Variants in EXPH5 observed in about 807,000 individuals in gnomAD.
EXPH5 encodes the protein exophilin 5, also known as exophilin-5.
EXPH5 carries 42 observed loss-of-function variants against 41.1 expected under a neutral mutation model. The observed-to-expected ratio is 1.02, with a 90% CI of 0.80 to 1.32. The LOEUF is 1.32. EXPH5 is among the 40% of genes most tolerant of loss of function. The pLI is 0.00. For synonymous variants in EXPH5, 798 were observed against 833.5 expected (o/e 0.96, Z 0.73); for missense variants, 2,298 against 2,314.5 (o/e 0.99, Z 0.15).
At chr11:108,559,526 T>C (rs2094003266) in intron 1 of EXPH5, among the ~76,000 whole-genome samples, 1 of 152,184 alleles carries the variant, frequency 6.6e-6, no homozygotes, top group East Asian at 1.9e-4. Context: ...AATTTGTTAA[T>C]TATATTGTTC....
At chr11:108,552,761 C>A (rs112644170) in intron 1 of EXPH5, among the ~76,000 whole-genome samples, 1 of 152,106 alleles carries the variant, frequency 6.6e-6, no homozygotes, top group Non-Finnish European at 1.5e-5. Flanking sequence ...AAACCCCAAA[C>A]AAACAAAACT....
At chr11:108,588,068 TATG>T (rs1286250593) in intron 1 of EXPH5, among the ~76,000 whole-genome samples, 1 of 152,316 alleles carries the variant, frequency 6.6e-6, no homozygotes, top group East Asian at 1.9e-4. Flanking sequence ...TTTAATAACA[TATG>T]ATAACTAAAA....
chr11:108,513,347 TGTCTG>T lies in EXPH5; in HGVS notation c.2155_2159del (p.Gln719LysfsTer5). The T allele has an allele frequency of 6.2e-7, 1 of 1,614,054 alleles. No homozygotes were observed. Among genetic ancestry groups the T allele is most frequent in the Non-Finnish European group, 8.5e-7 (1 of 1,179,960 alleles). On this transcript the variant is annotated frameshift_variant, in exon 6 of 6. Transcript: ENST00000265843. LOFTEE classifies it low-confidence loss of function (END_TRUNC). ...GTTGGGGTATTTCACCTGCCTTGTT[TGTCTG>T]GTCCATCTTGCTTAGCTGTTTGTCT...
upstream of EXPH5, chr11:108,593,836 C>T (rs1289971853): frequency 1.7e-6 from 2 of 1,206,552 alleles, no homozygotes; most frequent in Admixed American, 2.2e-5. Flanking sequence ...TCCCCTCCCT[C>T]GTCCCCTCCC....
intron 1 of EXPH5, 79 bp downstream of exon 1, chr11:108,593,339 G>A (rs2094132927): frequency 2.5e-5 from 33 of 1,309,104 alleles, no homozygotes; most frequent in South Asian, 8.8e-5. Context: ...TGCCCCGCGC[G>A]AGCTCAGCGC....
At chr11:108,565,604 T>C (rs2094031198) in intron 1 of EXPH5, among the ~76,000 whole-genome samples, 1 of 152,184 alleles carries the variant, frequency 6.6e-6, no homozygotes, top group South Asian at 2.1e-4. Flanking sequence ...GCCCTGGGAA[T>C]TGGCATGGTA....
the EXPH5 span, among the ~76,000 whole-genome samples, chr11:108,599,144 G>T: frequency 3.9e-5 from 6 of 152,188 alleles, no homozygotes; most frequent in Admixed American, 3.3e-4. Context: ...ATTTCCAGAT[G>T]TTACCTCTTC....
chr11:108,570,929 G>C (rs1393363063), intron 1 of EXPH5, among the ~76,000 whole-genome samples: 1 of 152,220 alleles, frequency 6.6e-6, no homozygotes, highest in Non-Finnish European at 1.5e-5. Flanking sequence ...GTGGGTTTTA[G>C]ACACGTGCAA....
intron 1 of EXPH5, among the ~76,000 whole-genome samples, chr11:108,585,762 ATGTTCACACAAAAGCC>A (rs1480360947): frequency 6.6e-6 from 1 of 152,210 alleles, no homozygotes; most frequent in Non-Finnish European, 1.5e-5. Flanking sequence ...AATAAAAATC[ATGTTCACACAAAAGCC>A]TGCTCATGGA....
In EXPH5 at chr11:108,513,700, T is replaced by C. The variant is rs2093700675; in HGVS notation, c.1807A>G (p.Ser603Gly). 6 of 1,612,992 alleles carry C rather than the reference T, an allele frequency of 3.7e-6. No homozygotes were observed. The African/African-American group carries it at 8.0e-5, about 22-fold the overall frequency. The change falls in exon 6 of 6, where the codon AGT (serine) becomes GGT (glycine). Residue 603 changes from serine (S) to glycine (G), a missense_variant. Coordinates refer to ENST00000265843, the MANE Select transcript of EXPH5 (RefSeq NM_015065.3). ...KSSELVSQQD[S>G]SPVEVHINKE... ...TTTATATGTACTTCTACAGGAGAAC[T>C]GTCCTGTTGACTTACCAACTCACTA...
At chr11:108,571,251 A>G in intron 1 of EXPH5, among the ~76,000 whole-genome samples, 1 of 152,212 alleles carries the variant, frequency 6.6e-6, no homozygotes, top group African/African-American at 2.4e-5. Flanking sequence ...CCGTGGATAG[A>G]CATGACCTAA....
chr11:108,551,603 G>A (rs2093965472), intron 1 of EXPH5, among the ~76,000 whole-genome samples: 1 of 151,862 alleles, frequency 6.6e-6, no homozygotes, highest in South Asian at 2.1e-4. Flanking sequence ...GATCTTCGCG[G>A]ACCTGACCGT....
At position 108,573,206 on chromosome 11, in the gene EXPH5, G is replaced by GAA. The variant is rs2094068837; in HGVS notation, c.119+20210_119+20211dup. Among the ~76,000 whole-genome samples the GAA allele has an allele frequency of 2.0e-5, 3 of 147,222 alleles. No individual in the cohort carries two copies. In the East Asian group the frequency reaches 6.0e-4, roughly 30 times the overall value. ...AAAGAAAGAAAGAAAGAAAAAGAAA[G>GAA]AAAGAAAGAAAGAAAGGGAAAGCAA... On this transcript the variant is annotated intron_variant, in intron 1 of 5. Transcript: ENST00000265843.
chr11:108,509,984 G>T lies in EXPH5; in HGVS notation c.5523C>A (p.Val1841=). ...SRLTLGNEFS[V]NNGYSRRFRS... ...TGAATCTTCGACTGTACCCATTGTT[G>T]ACAGAGAATTCATTCCCAAGGGTCA... The change falls in exon 6 of 6, where the codon GTC becomes GTA. Residue 1841 remains valine, a synonymous_variant. Transcript: ENST00000265843. The T allele has an allele frequency of 6.2e-7, 1 of 1,613,858 alleles. No individual in the cohort carries two copies. The highest frequency in any genetic ancestry group is 1.1e-5 in the South Asian group (1 of 90,964).
rs1287224654 is a variant in EXPH5 at position 108,508,758 on chromosome 11, A to G, written c.*779T>C. 6.6e-6 allele frequency: 1 copy of G among 152,186 alleles called. No individual in the cohort carries two copies. Among genetic ancestry groups the G allele is most frequent in the Admixed American group, 6.5e-5 (1 of 15,274 alleles). The allele number at this position is 152,186 out of a possible 1,614,324, so 9.4% of individuals were successfully genotyped here. ...CCTGGCCTAAGTCCTTGGCTTGACT[A>G]AAAGCCCTTAATAATCCAGCCAGTC... On this transcript the variant is annotated 3_prime_UTR_variant, in exon 6 of 6. Transcript: ENST00000265843.
chr11:108,566,356 G>C (rs965764981), intron 1 of EXPH5, among the ~76,000 whole-genome samples: 7 of 152,130 alleles, frequency 4.6e-5, no homozygotes, highest in African/African-American at 1.7e-4. Context: ...TGCATGGAGG[G>C]GGGTGGTGGG....
chr11:108,518,704 A>T (rs2093743978), intron 4 of EXPH5, among the ~76,000 whole-genome samples: 1 of 152,200 alleles, frequency 6.6e-6, no homozygotes, highest in African/African-American at 2.4e-5. Context: ...TGGGTAAAAT[A>T]AGGCTGAGAC....
At chr11:108,592,271 G>A (rs999036475) in intron 1 of EXPH5, among the ~76,000 whole-genome samples, 1 of 152,146 alleles carries the variant, frequency 6.6e-6, no homozygotes, top group East Asian at 1.9e-4. Context: ...TCATGTTTAG[G>A]GGAGAAGGGT....
intron 2 of EXPH5, among the ~76,000 whole-genome samples, chr11:108,540,132 C>T (rs1207249346): frequency 1.3e-5 from 2 of 151,832 alleles, no homozygotes; most frequent in Non-Finnish European, 2.9e-5. Flanking sequence ...ACCAGCCTGG[C>T]CAACATGGAG....
Sources: allele counts gnomAD v4.1 joint callset (sites outside exome capture counted in the v4.1 genomes callset), GRCh38; gene constraint gnomAD v4.1.1; transcripts MANE v1.5; gene names NCBI Gene and HGNC (gene_info 2026-07-23, HGNC 2026-07-21).